The following LPA variants were observed in gnomAD, a reference collection of about 807,000 sequenced individuals.
LPA encodes apolipoprotein(a).
In LPA, 199 loss-of-function variants were observed where a neutral mutation model predicts 197.9. The ratio of observed to expected loss-of-function variants is 1.01; its 90% CI spans 0.90 to 1.13. The LOEUF (loss-of-function observed/expected upper bound fraction) is 1.13, where lower values mean the gene tolerates loss of function less well. Among genes scored for constraint, LPA ranks in the 50% most tolerant of loss-of-function variants. The pLI, the probability that LPA is intolerant of heterozygous loss-of-function variation, is 0.00. For synonymous variants in LPA, 715 were observed against 639.5 expected, an observed-to-expected ratio of 1.12 and a Z score of -1.78; for missense variants, 1,853 against 1,785.8, an observed-to-expected ratio of 1.04 and a Z score of -0.68.
At chr6:160,585,266 T>A in intron 25 of LPA, 61 bp from the exon 26 acceptor site, 2 of 1,521,738 alleles carry the variant, frequency 1.3e-6, no homozygotes, top group Non-Finnish European at 1.8e-6. Flanking sequence ...GTGAAAAAAA[T>A]TATGACACAC....
intron 16 of LPA, among the ~76,000 whole-genome samples, 177 bp from the exon 17 acceptor site, chr6:160,606,835 A>G (rs1434182993): frequency 6.6e-6 from 1 of 152,144 alleles, no homozygotes; most frequent in Non-Finnish European, 1.5e-5. Flanking sequence ...CTGTCTGCAC[A>G]TTTCTCATAC....
intron 1 of LPA, among the ~76,000 whole-genome samples, chr6:160,663,306 T>A (rs1461266973): frequency 2.0e-5 from 3 of 152,244 alleles, no homozygotes; most frequent in Non-Finnish European, 4.4e-5. Flanking sequence ...GATGAAAAAG[T>A]GAGAAGAGCC....
At position 160,564,774 on chromosome 6, in the gene LPA, G is replaced by A. The variant is rs147010908; in HGVS notation, c.4632-7203C>T. On this transcript the variant is annotated intron_variant, in intron 28 of 38. Coordinates refer to ENST00000316300, the MANE Select transcript of LPA (RefSeq NM_005577.4). ...AAGGGAAGCCATGACAGATGTACCC[G>A]GAAAATCGGGACACTCCCACCCTAA... Among the ~76,000 whole-genome samples the A allele has an allele frequency of 3.7e-3, 561 of 152,220 alleles. 7 individuals carry two copies. Among genetic ancestry groups the A allele is most frequent in the South Asian group, 0.02 (94 of 4,812 alleles).
chr6:160,651,585 G>T (rs1486060818), intron 1 of LPA, among the ~76,000 whole-genome samples: 3 of 152,168 alleles, frequency 2.0e-5, no homozygotes, highest in Non-Finnish European at 2.9e-5. Flanking sequence ...AATATTTACT[G>T]CAATCTCTAC....
intron 30 of LPA, among the ~76,000 whole-genome samples, chr6:160,549,739 G>C (rs41264330): frequency 6.6e-6 from 1 of 152,128 alleles, no homozygotes; most frequent in African/African-American, 2.4e-5. Flanking sequence ...CTCTAGGATG[G>C]GTTCCTGGGC....
At chr6:160,609,537 A>C (rs765715902) in intron 16 of LPA, among the ~76,000 whole-genome samples, 3 of 151,748 alleles carry the variant, frequency 2.0e-5, no homozygotes, top group Admixed American at 6.6e-5. Context: ...TTTTCTCGAA[A>C]TTTCCTATTT....
At chr6:160,651,925 T>C (rs1317390622) in intron 1 of LPA, among the ~76,000 whole-genome samples, 2 of 151,724 alleles carry the variant, frequency 1.3e-5, no homozygotes, top group Non-Finnish European at 2.9e-5. Context: ...GAGGAGTCAA[T>C]TAGACACAAC....
At chr6:160,553,939 G>C (rs554807772) in intron 30 of LPA, among the ~76,000 whole-genome samples, 47 of 109,826 alleles carry the variant, frequency 4.3e-4, no homozygotes, top group Middle Eastern at 4.5e-3. Context: ...CTCTCTCTCT[G>C]TGTGTGTGTG....
intron 18 of LPA, 62 bp from the exon 19 acceptor site, chr6:160,601,160 T>G (rs1779234678): frequency 6.7e-7 from 1 of 1,497,872 alleles, no homozygotes; most frequent in Admixed American, 1.7e-5. Context: ...ACACTGTATA[T>G]TTTGCTACAA....
intron 16 of LPA, 140 bp downstream of exon 16, chr6:160,611,422 G>A (rs1233523777): frequency 1.3e-6 from 2 of 1,495,372 alleles, no homozygotes; most frequent in African/African-American, 1.4e-5. Flanking sequence ...TTAGCTCCAA[G>A]GAAATCATCC....
At chr6:160,545,241 G>A (rs551341959) in intron 33 of LPA, among the ~76,000 whole-genome samples, 199 bp downstream of exon 33, 5 of 152,098 alleles carry the variant, frequency 3.3e-5, no homozygotes, top group African/African-American at 9.6e-5. Flanking sequence ...TGGGAGGGGC[G>A]GGTGTTTTCC....
At chr6:160,545,009 T>G (rs966906783) in intron 33 of LPA, among the ~76,000 whole-genome samples, 1 of 152,196 alleles carries the variant, frequency 6.6e-6, no homozygotes, top group Admixed American at 6.5e-5. Context: ...ATCTGAGGTT[T>G]ACAATGTGCA....
intron 28 of LPA, among the ~76,000 whole-genome samples, chr6:160,573,123 A>G (rs1778592346): frequency 6.6e-6 from 1 of 151,920 alleles, no homozygotes; most frequent in African/African-American, 2.4e-5. Flanking sequence ...GGCTTTGTTC[A>G]TATTTTCTTA....
chr6:160,607,838 A>T (rs1779391856), intron 16 of LPA, among the ~76,000 whole-genome samples: 1 of 152,176 alleles, frequency 6.6e-6, no homozygotes, highest in African/African-American at 2.4e-5. Flanking sequence ...TCTTTTGAAT[A>T]CATGGAATAT....
At chr6:160,657,027 T>C (rs1394290523) in intron 1 of LPA, among the ~76,000 whole-genome samples, 1 of 152,208 alleles carries the variant, frequency 6.6e-6, no homozygotes, top group Admixed American at 6.5e-5. Flanking sequence ...TTGCCTTTGA[T>C]GGTTCAGTGC....
At chr6:160,656,884 A>G (rs959524917) in intron 1 of LPA, among the ~76,000 whole-genome samples, 1 of 152,192 alleles carries the variant, frequency 6.6e-6, no homozygotes, top group Non-Finnish European at 1.5e-5. Flanking sequence ...TCAAGTAGGA[A>G]TACAGTAGGT....
chr6:160,556,522 T>C (rs186563552), intron 29 of LPA, among the ~76,000 whole-genome samples: 1 of 152,242 alleles, frequency 6.6e-6, no homozygotes, highest in Non-Finnish European at 1.5e-5. Flanking sequence ...GATTAGGTTA[T>C]GCAGGCTGTA....
At chr6:160,593,649 A>G (rs1583604467) in intron 22 of LPA, among the ~76,000 whole-genome samples, 1 of 152,120 alleles carries the variant, frequency 6.6e-6, no homozygotes, top group African/African-American at 2.4e-5. Context: ...GAACTATTGC[A>G]TTGGTCTTTA....
rs76924353 is a variant in LPA, at chr6:160,611,532, A to C, written c.2603+30T>G. On this transcript the variant is annotated intron_variant, in intron 16 of 38. Coordinates refer to ENST00000316300, the MANE Select transcript of LPA (RefSeq NM_005577.4). ...TCACAGAAACTTCAGTTGGCCCTTT[A>C]TTCTCTTATGGTAAAGAACAAAGAC... 3.9e-3 allele frequency: 6,189 copies of C among 1,604,418 alleles called. 68 individuals are homozygous for C. Among genetic ancestry groups the C allele is most frequent in the Admixed American group, 6.8e-3 (408 of 59,932 alleles).
Sources: allele counts gnomAD v4.1 joint callset (sites outside exome capture counted in the v4.1 genomes callset), GRCh38; gene constraint gnomAD v4.1.1; transcripts MANE v1.5; gene names NCBI Gene and HGNC (gene_info 2026-07-23, HGNC 2026-07-21).